STX8: variants seen among roughly 807,000 people sequenced by gnomAD.
STX8 encodes the protein syntaxin-8.
A neutral mutation model predicts 37.5 loss-of-function variants in STX8; 23 were observed. That is an observed-to-expected ratio of 0.61 (90% CI 0.44 to 0.87). The LOEUF is 0.87. STX8 is among the 40% of genes least tolerant of loss of function. The pLI is 0.00. For missense variants in STX8, 313 were observed against 284.7 expected, an observed-to-expected ratio of 1.10 and a Z score of -0.71; for synonymous variants, 115 against 99.1, an observed-to-expected ratio of 1.16 and a Z score of -0.95.
chr17:9,264,991 C>T (rs910077759), intron 7 of STX8, among the ~76,000 whole-genome samples: 2 of 151,884 alleles, frequency 1.3e-5, no homozygotes, highest in Non-Finnish European at 2.9e-5. Flanking sequence ...TGATGGCACA[C>T]ACCTGTGGTC....
At chr17:9,423,948 T>A (rs1315531861) in intron 6 of STX8, among the ~76,000 whole-genome samples, 1 of 152,080 alleles carries the variant, frequency 6.6e-6, no homozygotes, top group African/African-American at 2.4e-5. Context: ...TGCCACAGAG[T>A]TCAGTATGGC....
chr17:9,509,411 A>G (rs1567591299), intron 4 of STX8, among the ~76,000 whole-genome samples: 1 of 152,100 alleles, frequency 6.6e-6, no homozygotes, highest in Non-Finnish European at 1.5e-5. Context: ...GAAAAAAAAA[A>G]TCTGCCAACC....
At chr17:9,279,092 T>C (rs1424054496) in intron 7 of STX8, among the ~76,000 whole-genome samples, 2 of 151,626 alleles carry the variant, frequency 1.3e-5, no homozygotes, top group Middle Eastern at 3.2e-3. Context: ...AGATGGGGTT[T>C]CACTCTTGTT....
At chr17:9,435,303 C>A (rs887889611) in intron 6 of STX8, among the ~76,000 whole-genome samples, 1 of 152,104 alleles carries the variant, frequency 6.6e-6, no homozygotes, top group East Asian at 1.9e-4. Context: ...CAGATTGAAA[C>A]GTTAACATCT....
chr17:9,463,924 A>AT lies in STX8; in HGVS notation c.541+27904dup, dbSNP rs1905502108. 2.0e-5 allele frequency among the ~76,000 whole-genome samples: 3 copies of AT among 151,366 alleles called. No homozygotes were observed. In the South Asian group the frequency reaches 6.3e-4, roughly 32 times the overall value. On this transcript the variant is annotated intron_variant, in intron 6 of 7. Coordinates refer to ENST00000306357, the MANE Select transcript of STX8 (RefSeq NM_004853.3). ...ACTCCATCTCAAAAAAAAAAAAAAAATTTAGCTGGGTGTGGTGGTGTGCAC... is the reference window on the plus strand; with the variant it reads ...ACTCCATCTCAAAAAAAAAAAAAAAATTTTAGCTGGGTGTGGTGGTGTGCAC...
At chr17:9,482,839 G>A (rs749140850) in intron 6 of STX8, among the ~76,000 whole-genome samples, 5 of 152,126 alleles carry the variant, frequency 3.3e-5, no homozygotes, top group East Asian at 1.9e-4. Flanking sequence ...GGTTGAACCC[G>A]GGAGGCGGAG....
Position 9,493,286 on chromosome 17 carries a change from A to T in STX8, c.449-1365T>A, listed in dbSNP as rs532036004. ...TCTCTAAATAAAAAATAATTTGAAA[A>T]TTTTTTAAAAAAGAAAATGAACCAA... On this transcript the variant is annotated intron_variant, in intron 5 of 7. Transcript: ENST00000306357. 3.3e-5 allele frequency among the ~76,000 whole-genome samples: 5 copies of T among 152,208 alleles called. No individual in the cohort carries two copies. The East Asian group carries it at 7.7e-4, about 24-fold the overall frequency.
chr17:9,269,979 G>GT (rs1359857190), intron 7 of STX8, among the ~76,000 whole-genome samples: 2 of 152,182 alleles, frequency 1.3e-5, no homozygotes, highest in Non-Finnish European at 2.9e-5. Context: ...ATGCGGTACA[G>GT]AAATTAACAT....
At chr17:9,574,540 T>C (rs935835537) in intron 1 of STX8, among the ~76,000 whole-genome samples, 4 of 63,648 alleles carry the variant, frequency 6.3e-5, no homozygotes, top group African/African-American at 1.5e-4. Context: ...TTGGGGTTTT[T>C]TATTTTTTTT....
At chr17:9,330,462 A>G (rs1215631534) in intron 7 of STX8, among the ~76,000 whole-genome samples, 1 of 152,128 alleles carries the variant, frequency 6.6e-6, no homozygotes, top group Non-Finnish European at 1.5e-5. Flanking sequence ...GCCTCCGAGG[A>G]TGCTGGTTAC....
chr17:9,543,099 C>A (rs1040906676), intron 4 of STX8, among the ~76,000 whole-genome samples: 2 of 152,138 alleles, frequency 1.3e-5, no homozygotes, highest in African/African-American at 4.8e-5. Flanking sequence ...CAAATGGGAA[C>A]CATGACTATT....
intron 4 of STX8, among the ~76,000 whole-genome samples, chr17:9,544,251 A>T (rs572872900): frequency 1.4e-4 from 22 of 152,308 alleles, no homozygotes; most frequent in Non-Finnish European, 2.8e-4. Context: ...GGTTCCCACG[A>T]TGAAGCTAAG....
Position 9,391,389 on chromosome 17 carries a change from T to C in STX8, c.542-12736A>G, listed in dbSNP as rs765237238. On this transcript the variant is annotated intron_variant, in intron 6 of 7. Transcript: ENST00000306357. ...ATTGCTTGAACCTGGGAAGTGGAGG[T>C]TGCAGTGAGCGGAGATCATGCCATT... 4.6e-4 allele frequency among the ~76,000 whole-genome samples: 70 copies of C among 151,646 alleles called. 1 individual carries two copies. The highest frequency in any genetic ancestry group is 2.6e-4 in the Admixed American group (4 of 15,214).
chr17:9,261,239 C>T (rs1206627793), intron 7 of STX8, among the ~76,000 whole-genome samples: 1 of 152,164 alleles, frequency 6.6e-6, no homozygotes, highest in Non-Finnish European at 1.5e-5. Flanking sequence ...CAGTGGAGAC[C>T]GCATGTGAGA....
At chr17:9,476,277 T>C (rs1906100369) in intron 6 of STX8, among the ~76,000 whole-genome samples, 1 of 152,182 alleles carries the variant, frequency 6.6e-6, no homozygotes, top group African/African-American at 2.4e-5. Context: ...ATATGAAGAA[T>C]CAATGAAGAA....
chr17:9,450,140 G>A (rs1377285350), intron 6 of STX8, among the ~76,000 whole-genome samples: 1 of 151,734 alleles, frequency 6.6e-6, no homozygotes, highest in Non-Finnish European at 1.5e-5. Context: ...GTGCAGTGGT[G>A]CGATCTTGGC....
chr17:9,499,524 G>A (rs1022773378), intron 5 of STX8, among the ~76,000 whole-genome samples: 10 of 152,108 alleles, frequency 6.6e-5, no homozygotes, highest in African/African-American at 2.2e-4. Flanking sequence ...TCAGCCTCCC[G>A]AGTAGCTGGG....
chr17:9,263,205 G>C (rs7226072), intron 7 of STX8, among the ~76,000 whole-genome samples: 19,656 of 151,774 alleles, frequency 0.13, 2,634 homozygotes, highest in East Asian at 0.38. Context: ...GGGTGCGTGC[G>C]GTGGCTCACA....
intron 6 of STX8, among the ~76,000 whole-genome samples, chr17:9,446,010 G>GT (rs1904839468): frequency 6.6e-6 from 1 of 151,682 alleles, no homozygotes; most frequent in Non-Finnish European, 1.5e-5. Flanking sequence ...TGATTTTTTT[G>GT]TATTTTTAGT....
Sources: allele counts gnomAD v4.1 joint callset (sites outside exome capture counted in the v4.1 genomes callset), GRCh38; gene constraint gnomAD v4.1.1; transcripts MANE v1.5; gene names NCBI Gene and HGNC (gene_info 2026-07-23, HGNC 2026-07-21).